CFAP251: variants seen among roughly 807,000 people sequenced by gnomAD.
The protein encoded by CFAP251 is cilia and flagella associated protein 251.
Under a neutral mutation model 126.7 loss-of-function variants are expected in CFAP251, and 93 were observed. The ratio of observed to expected loss-of-function variants is 0.73; its 90% confidence interval spans 0.62 to 0.87. The LOEUF is 0.87. Ranked by LOEUF, CFAP251 falls within the 40% of genes least tolerant of loss-of-function variation. CFAP251 has a pLI of 0.00. For synonymous variants in CFAP251, 503 were observed against 506.9 expected, an observed-to-expected ratio of 0.99 and a Z score of 0.10; for missense variants, 1,287 against 1,389.2, an observed-to-expected ratio of 0.93 and a Z score of 1.17.
chr12:121,928,626 G>GTGTATATATATA (rs148145141), intron 3 of CFAP251, among the ~76,000 whole-genome samples: 3 of 43,182 alleles, frequency 6.9e-5, no homozygotes, highest in Admixed American at 2.2e-4. Flanking sequence ...ATGTATATGT[G>GTGTATATATATA]TATATATATA....
At chr12:121,972,444 G>A (rs1404954558) in intron 17 of CFAP251, among the ~76,000 whole-genome samples, 1 of 152,128 alleles carries the variant, frequency 6.6e-6, no homozygotes, top group Non-Finnish European at 1.5e-5. Context: ...GAGATTTGTG[G>A]AACTTTGAAC....
chr12:122,001,919 GGTATGTAA>G (rs1227294590), intron 21 of CFAP251: 1 of 341,010 alleles, frequency 2.9e-6, no homozygotes, highest in African/African-American at 2.1e-5. Flanking sequence ...CAGGAGAATA[GGTATGTAA>G]AGAGAGACTT....
At chr12:121,969,870 T>A in intron 17 of CFAP251, 1 of 985,444 alleles carries the variant, frequency 1.0e-6, no homozygotes, top group Non-Finnish European at 1.2e-6. Flanking sequence ...GCCTCTGCTT[T>A]CCAATAGCTT....
At chr12:122,000,897 C>A (rs1434099824) in intron 20 of CFAP251, among the ~76,000 whole-genome samples, 2 of 151,506 alleles carry the variant, frequency 1.3e-5, no homozygotes, top group African/African-American at 4.8e-5. Flanking sequence ...ATTTTTGTGT[C>A]TAAAGAAAAG....
At chr12:121,983,142 C>G (rs997260479) in intron 19 of CFAP251, among the ~76,000 whole-genome samples, 1 of 152,020 alleles carries the variant, frequency 6.6e-6, no homozygotes, top group Non-Finnish European at 1.5e-5. Context: ...TGGGAAGGAT[C>G]GAAGGATCGC....
chr12:121,987,608 G>A (rs933339889), intron 19 of CFAP251, among the ~76,000 whole-genome samples: 1 of 151,920 alleles, frequency 6.6e-6, no homozygotes, highest in Non-Finnish European at 1.5e-5. Flanking sequence ...CCAGCTACTC[G>A]GGAGGCTGAG....
chr12:121,985,662 C>T (rs1175834595), intron 19 of CFAP251, among the ~76,000 whole-genome samples: 4 of 151,662 alleles, frequency 2.6e-5, no homozygotes, highest in Admixed American at 1.3e-4. Flanking sequence ...AGTCTCACTA[C>T]GTTGCCCAGG....
intron 19 of CFAP251, among the ~76,000 whole-genome samples, chr12:121,986,734 A>G (rs1328520845): frequency 6.6e-6 from 1 of 151,096 alleles, no homozygotes; most frequent in Non-Finnish European, 1.5e-5. Flanking sequence ...ATTGCTCTCC[A>G]GTATGGGCAA....
At position 121,958,345 on chromosome 12, in the gene CFAP251, T is replaced by C. The variant is rs750789998; in HGVS notation, c.1804T>C (p.Phe602Leu). 6.2e-7 allele frequency: 1 copy of C among 1,614,222 alleles called. No homozygotes were observed. Among genetic ancestry groups the C allele is most frequent in the Non-Finnish European group, 8.5e-7 (1 of 1,180,036 alleles). ...AGATGGGACCAAACTTGAGAAGTTA[T>C]TTGTAGAGCCCAAGGATGCCATTTG... ...TTDGTKLEKL[F>L]VEPKDAICAI... The change falls in exon 12 of 22, where the codon TTT (phenylalanine) becomes CTT (leucine). Residue 602 changes from phenylalanine to leucine, a missense_variant. Phe to Leu is a conservative substitution (Grantham distance 22). Transcript: ENST00000288912.
chr12:121,976,080 C>T (rs1882451046), intron 19 of CFAP251, among the ~76,000 whole-genome samples: 1 of 150,782 alleles, frequency 6.6e-6, no homozygotes, highest in African/African-American at 2.4e-5. Flanking sequence ...ACAATTTTGG[C>T]TCACTGCAAC....
intron 7 of CFAP251, among the ~76,000 whole-genome samples, chr12:121,943,715 G>A (rs567940171): frequency 2.0e-5 from 3 of 152,246 alleles, no homozygotes; most frequent in Admixed American, 6.5e-5. Flanking sequence ...ATGAGCCACT[G>A]CACCTGGCCT....
intron 19 of CFAP251, among the ~76,000 whole-genome samples, chr12:121,995,048 C>A (rs186379581): frequency 8.1e-4 from 124 of 152,332 alleles, no homozygotes; most frequent in African/African-American, 3.0e-3. Context: ...AAGCACTTTA[C>A]GTACATAGTC....
At chr12:121,964,940 A>T (rs1371052991) in intron 15 of CFAP251, among the ~76,000 whole-genome samples, 1 of 152,166 alleles carries the variant, frequency 6.6e-6, no homozygotes, top group Non-Finnish European at 1.5e-5. Context: ...GAAAGTGAAC[A>T]GTTCCATGGC....
At position 121,966,123 on chromosome 12, in the gene CFAP251, T is replaced by C. The variant is rs555296012; in HGVS notation, c.2493-832T>C. On this transcript the variant is annotated intron_variant, in intron 15 of 21. Transcript: ENST00000288912. ...GTCTTAAAACCTATGTTGAGATTTATGGAATTTTAAAAACTCTTCCCTTCC... is the reference window on the plus strand; with the variant it reads ...GTCTTAAAACCTATGTTGAGATTTACGGAATTTTAAAAACTCTTCCCTTCC... Among the ~76,000 whole-genome samples, 3 of 132,926 alleles carry C rather than the reference T, an allele frequency of 2.3e-5. No individual in the cohort carries two copies. The East Asian group carries it at 6.7e-4, about 30-fold the overall frequency. 87.2% of individuals were successfully genotyped at this position (132,926 alleles called of 152,430 possible).
At chr12:121,926,166 T>G (rs1274152342) in intron 3 of CFAP251, among the ~76,000 whole-genome samples, 1 of 151,066 alleles carries the variant, frequency 6.6e-6, no homozygotes, top group Non-Finnish European at 1.5e-5. Context: ...TGCCCGGCCT[T>G]TTTTAAGAGA....
intron 21 of CFAP251, chr12:122,001,873 T>G: frequency 2.2e-6 from 1 of 462,604 alleles, no homozygotes; most frequent in South Asian, 2.2e-5. Context: ...GGGTGAATAT[T>G]GGCCACCCGT....
intron 19 of CFAP251, among the ~76,000 whole-genome samples, chr12:121,986,854 A>G (rs1402620541): frequency 1.3e-5 from 2 of 152,106 alleles, no homozygotes; most frequent in Non-Finnish European, 2.9e-5. Context: ...CTTAGGAGAC[A>G]GTTGTGGCTA....
chr12:121,968,099 T>A lies in CFAP251; in HGVS notation c.2701T>A (p.Tyr901Asn). The A allele has an allele frequency of 6.2e-7, 1 of 1,613,814 alleles. No individual in the cohort carries two copies. Among genetic ancestry groups the A allele is most frequent in the Non-Finnish European group, 8.5e-7 (1 of 1,179,726 alleles). Reference protein sequence around the residue: ...PNGVAGMAVSYDGCYAFTAGG... With the variant: ...PNGVAGMAVSNDGCYAFTAGG... ...CGGGGTGGCCGGCATGGCCGTTTCCTATGATGGCTGCTACGCCTTCACTGC... is the reference window on the plus strand; with the variant it reads ...CGGGGTGGCCGGCATGGCCGTTTCCAATGATGGCTGCTACGCCTTCACTGC... The change falls in exon 17 of 22, where the codon TAT (tyrosine) becomes AAT (asparagine). Residue 901 changes from tyrosine (Y) to asparagine (N), a missense_variant. Tyr to Asn is a moderately radical substitution (Grantham distance 143, BLOSUM62 -2). Coordinates refer to ENST00000288912, the MANE Select transcript of CFAP251 (RefSeq NM_144668.6).
chr12:121,971,197 T>A (rs1347702145), intron 17 of CFAP251, among the ~76,000 whole-genome samples: 1 of 152,240 alleles, frequency 6.6e-6, no homozygotes, highest in Non-Finnish European at 1.5e-5. Flanking sequence ...GGCCTGGGCC[T>A]GGCCTGGAGG....
Sources: gnomAD v4.1 joint callset for allele counts (sites outside exome capture counted in the v4.1 genomes callset) on GRCh38, gnomAD v4.1.1 for gene constraint, MANE v1.5 for transcripts, NCBI Gene and HGNC (gene_info 2026-07-23, HGNC 2026-07-21) for gene names.